PLPP3: variants seen among roughly 807,000 people sequenced by gnomAD.
The protein encoded by PLPP3 is phospholipid phosphatase 3.
A neutral mutation model predicts 29.6 loss-of-function variants in PLPP3; 6 were observed. That is an observed-to-expected ratio of 0.20 (90% CI 0.11 to 0.40). The LOEUF is 0.40. Ranked by LOEUF, PLPP3 falls within the 10% of genes least tolerant of loss-of-function variation. PLPP3 has a pLI of 1.00. For missense variants in PLPP3, 308 were observed against 407.7 expected (o/e 0.76, Z 2.11); for synonymous variants, 152 against 159.7 (o/e 0.95, Z 0.36).
At chr1:56,567,490 C>T (rs1188970066) in intron 1 of PLPP3, among the ~76,000 whole-genome samples, 2 of 149,186 alleles carry the variant, frequency 1.3e-5, no homozygotes, top group Middle Eastern at 3.2e-3. Flanking sequence ...CTCTGCCTCC[C>T]GGGTTCATGC....
chr1:56,497,459 C>G (rs1269496176), intron 5 of PLPP3, among the ~76,000 whole-genome samples: 1 of 152,182 alleles, frequency 6.6e-6, no homozygotes, highest in African/African-American at 2.4e-5. Context: ...AAAATTTATG[C>G]TTTGTATTAG....
chr1:56,521,061 T>C (rs910082078), intron 4 of PLPP3, among the ~76,000 whole-genome samples: 2 of 150,918 alleles, frequency 1.3e-5, no homozygotes, highest in South Asian at 4.2e-4. Flanking sequence ...TGGCAAAGCC[T>C]CGTCTCTACA....
intron 5 of PLPP3, among the ~76,000 whole-genome samples, chr1:56,500,597 G>T (rs564310663): frequency 6.6e-6 from 1 of 152,236 alleles, no homozygotes; most frequent in Non-Finnish European, 1.5e-5. Flanking sequence ...GAGAGGACTA[G>T]ATATTGAAAA....
intron 1 of PLPP3, among the ~76,000 whole-genome samples, chr1:56,562,325 G>A (rs999035693): frequency 1.6e-4 from 24 of 152,086 alleles, no homozygotes; most frequent in African/African-American, 5.3e-4. Context: ...CTATGTGATC[G>A]GGATTGTAGT....
chr1:56,576,306 C>T (rs1026045338), intron 1 of PLPP3, among the ~76,000 whole-genome samples: 10 of 152,004 alleles, frequency 6.6e-5, no homozygotes, highest in African/African-American at 2.4e-4. Flanking sequence ...ACCATATGAT[C>T]AATAAACTAT....
At chr1:56,571,804 G>A (rs554829683) in intron 1 of PLPP3, among the ~76,000 whole-genome samples, 34 of 152,282 alleles carry the variant, frequency 2.2e-4, no homozygotes, top group Non-Finnish European at 4.4e-4. Context: ...AAGTGGGGCA[G>A]CAAGGTAACC....
At chr1:56,563,025 A>C (rs961797178) in intron 1 of PLPP3, among the ~76,000 whole-genome samples, 1 of 152,166 alleles carries the variant, frequency 6.6e-6, no homozygotes, top group Non-Finnish European at 1.5e-5. Flanking sequence ...TTTCCTATTC[A>C]TCCTTGGTCC....
intron 1 of PLPP3, among the ~76,000 whole-genome samples, chr1:56,560,918 AG>A (rs1174806923): frequency 2.0e-5 from 3 of 146,844 alleles, no homozygotes; most frequent in African/African-American, 7.5e-5. Context: ...GCCCACTGCA[AG>A]CTCCGCCTCC....
intron 2 of PLPP3, 31 bp downstream of exon 2, chr1:56,536,924 G>A (rs755259167): frequency 3.7e-5 from 59 of 1,610,256 alleles, no homozygotes; most frequent in Non-Finnish European, 4.6e-5. Context: ...AAGTCAGACA[G>A]GATCCACCAT....
In PLPP3 at chr1:56,512,149, A is replaced by G. The variant is rs1645745399; in HGVS notation, c.637T>C (p.Tyr213His). 1 of 1,590,604 alleles carries G rather than the reference A, an allele frequency of 6.3e-7. No individual in the cohort carries two copies. The change falls in exon 5 of 6, where the codon TAC becomes CAC. Residue 213 changes from tyrosine to histidine, a missense_variant. By Grantham distance (83) the Tyr-to-His change is moderately conservative. Coordinates refer to ENST00000371250, the MANE Select transcript of PLPP3 (RefSeq NM_003713.5). ...CGCCAAGTGAAGCGGGCCTGCAGGTATAGCTGGAGAAAGGAGACAAAAAGG... is the reference window on the plus strand; with the variant it reads ...CGCCAAGTGAAGCGGGCCTGCAGGTGTAGCTGGAGAAAGGAGACAAAAAGG... ...SMYTMLYLVL[Y>H]LQARFTWRGA...
intron 1 of PLPP3, among the ~76,000 whole-genome samples, chr1:56,547,225 G>T (rs1465734735): frequency 6.6e-6 from 1 of 152,108 alleles, no homozygotes; most frequent in Non-Finnish European, 1.5e-5. Context: ...TCAGAAAAGG[G>T]TTCATGTTAT....
chr1:56,518,569 C>A (rs931906840), intron 4 of PLPP3, among the ~76,000 whole-genome samples: 1 of 152,030 alleles, frequency 6.6e-6, no homozygotes, highest in Non-Finnish European at 1.5e-5. Context: ...TGTCAGAAGA[C>A]CTGAAATTCA....
intron 1 of PLPP3, among the ~76,000 whole-genome samples, chr1:56,566,184 A>G (rs980601300): frequency 1.3e-5 from 2 of 152,230 alleles, no homozygotes; most frequent in African/African-American, 4.8e-5. Context: ...ACAGGTCCAG[A>G]GAACCACTAG....
chr1:56,570,292 G>A (rs1646189056), intron 1 of PLPP3, among the ~76,000 whole-genome samples: 1 of 152,134 alleles, frequency 6.6e-6, no homozygotes, highest in African/African-American at 2.4e-5. Flanking sequence ...ATGTGTTTTA[G>A]GGATACATAA....
At chr1:56,571,505 A>T (rs1646198370) in intron 1 of PLPP3, among the ~76,000 whole-genome samples, 1 of 152,206 alleles carries the variant, frequency 6.6e-6, no homozygotes, top group Non-Finnish European at 1.5e-5. Context: ...TTTCTAACTG[A>T]CATTAAAAAA....
At chr1:56,535,957 A>G (rs1184015795) in intron 2 of PLPP3, among the ~76,000 whole-genome samples, 1 of 152,224 alleles carries the variant, frequency 6.6e-6, no homozygotes, top group African/African-American at 2.4e-5. Context: ...AAAGAAATCA[A>G]TGATCCACCT....
At chr1:56,551,239 A>C (rs10493211) in intron 1 of PLPP3, among the ~76,000 whole-genome samples, 43,264 of 145,058 alleles carry the variant, frequency 0.3, 6,999 homozygotes, top group South Asian at 0.39. Flanking sequence ...ATGTTAATCA[A>C]GCGAACACCA....
intron 1 of PLPP3, among the ~76,000 whole-genome samples, chr1:56,555,272 C>T (rs17407790): frequency 0.27 from 40,307 of 150,440 alleles, 5,883 homozygotes; most frequent in Admixed American, 0.32. Context: ...TCCCCGGGGA[C>T]TTTTATCTGT....
At chr1:56,499,044 G>A (rs1645648057) in intron 5 of PLPP3, among the ~76,000 whole-genome samples, 2 of 151,742 alleles carry the variant, frequency 1.3e-5, no homozygotes, top group South Asian at 4.2e-4. Flanking sequence ...ATCTGCCAAG[G>A]GCAAATATAG....
Sources: allele counts gnomAD v4.1 joint callset (sites outside exome capture counted in the v4.1 genomes callset), GRCh38; gene constraint gnomAD v4.1.1; transcripts MANE v1.5; gene names NCBI Gene and HGNC (gene_info 2026-07-23, HGNC 2026-07-21).